The following GRIP1 variants were observed in gnomAD, a reference collection of about 807,000 sequenced individuals.
The protein encoded by GRIP1 is glutamate receptor-interacting protein 1.
In GRIP1, 45 loss-of-function variants were observed where a neutral mutation model predicts 129.9. That is an observed-to-expected ratio of 0.35 (90% CI 0.27 to 0.44). The LOEUF is 0.44. GRIP1 is among the 20% of genes least tolerant of loss of function. The probability of loss-of-function intolerance (pLI) is 1.00; values close to 1 mark genes in which losing one functional copy is unlikely to be tolerated. For synonymous variants in GRIP1, 530 were observed against 520.8 expected (o/e 1.02, Z -0.24); for missense variants, 1,196 against 1,396.8 (o/e 0.86, Z 2.29).
intron 7 of GRIP1, among the ~76,000 whole-genome samples, chr12:66,486,496 G>A (rs2059959039): frequency 6.6e-6 from 1 of 152,096 alleles, no homozygotes; most frequent in Admixed American, 6.5e-5. Context: ...GAATCATGGG[G>A]GCAGTTTCCC....
At chr12:66,539,976 C>T (rs992425875) in intron 3 of GRIP1, among the ~76,000 whole-genome samples, 1 of 152,158 alleles carries the variant, frequency 6.6e-6, no homozygotes, top group African/African-American at 2.4e-5. Context: ...AACATTTTCT[C>T]CCAAAACAGA....
chr12:66,853,704 A>G (rs1321877957), intron 1 of GRIP1, among the ~76,000 whole-genome samples: 2 of 152,106 alleles, frequency 1.3e-5, no homozygotes, highest in Non-Finnish European at 2.9e-5. Context: ...TCAAGTGTGT[A>G]CCAACAATTA....
chr12:67,019,872 G>T (rs2042840289), intron 1 of GRIP1, among the ~76,000 whole-genome samples: 1 of 151,860 alleles, frequency 6.6e-6, no homozygotes, highest in South Asian at 2.1e-4. Context: ...CGAAATAAGA[G>T]AAATCATTAT....
At chr12:66,368,589 TG>T (rs35967466) in intron 23 of GRIP1, among the ~76,000 whole-genome samples, 23,819 of 152,128 alleles carry the variant, frequency 0.16, 2,283 homozygotes, top group Non-Finnish European at 0.22. Flanking sequence ...CACTGTGGCT[TG>T]GGTTATCTTC....
chr12:66,773,987 A>C (rs1323011338), intron 1 of GRIP1, among the ~76,000 whole-genome samples: 1 of 152,154 alleles, frequency 6.6e-6, no homozygotes, highest in Non-Finnish European at 1.5e-5. Flanking sequence ...ATCTCTGCAT[A>C]GTCATGGGTA....
rs537956613 is a variant in GRIP1, at chr12:66,961,986, C to G, written c.58+107064G>C. ...AAAAGTAGCCTAGTAGTGTAGAGAA[C>G]GATGTTTTGAATCAGAAAGGTGATC... is the stretch of plus-strand genomic sequence containing the variant. On this transcript the variant is annotated intron_variant, in intron 1 of 1. Coordinates refer to the GRIP1 transcript ENST00000643019. Among the ~76,000 whole-genome samples, 247 of 152,234 alleles carry G rather than the reference C, an allele frequency of 1.6e-3. 1 individual carries two copies. Among genetic ancestry groups the G allele is most frequent in the African/African-American group, 5.7e-3 (238 of 41,556 alleles).
chr12:66,752,041 C>A (rs1267342281), intron 1 of GRIP1, among the ~76,000 whole-genome samples: 6 of 152,154 alleles, frequency 3.9e-5, no homozygotes, highest in African/African-American at 1.4e-4. Context: ...ACTAGATTAT[C>A]ATTCTCACTG....
At chr12:66,944,535 G>C (rs12581159) in intron 1 of GRIP1, among the ~76,000 whole-genome samples, 11,392 of 151,840 alleles carry the variant, frequency 0.075, 523 homozygotes, top group East Asian at 0.22. Flanking sequence ...GGGGGTGGAG[G>C]GGTGGGGGTG....
chr12:66,649,033 G>T (rs1376608245), intron 1 of GRIP1, among the ~76,000 whole-genome samples: 2 of 152,076 alleles, frequency 1.3e-5, no homozygotes, highest in Admixed American at 6.6e-5. Context: ...CTCACAGGGG[G>T]TTAAGCAAAG....
chr12:66,785,849 A>C (rs1011496267), intron 1 of GRIP1, among the ~76,000 whole-genome samples: 1 of 152,028 alleles, frequency 6.6e-6, no homozygotes, highest in Admixed American at 6.5e-5. Context: ...TGGGAGGCTG[A>C]GGTGGGAGGA....
intron 15 of GRIP1, among the ~76,000 whole-genome samples, chr12:66,409,743 A>C (rs2057318945): frequency 6.6e-6 from 1 of 152,264 alleles, no homozygotes; most frequent in South Asian, 2.1e-4. Flanking sequence ...ATGGCCTTTC[A>C]TACAGAGAAT....
At chr12:66,804,437 T>A (rs12425159), upstream of GRIP1, among the ~76,000 whole-genome samples, 20,396 of 148,850 alleles carry the variant, frequency 0.14, 1,412 homozygotes, top group Admixed American at 0.21. Context: ...GTAATTTTTT[T>A]AAAAAAAAAA....
chr12:66,893,533 A>T (rs10748062), intron 1 of GRIP1, among the ~76,000 whole-genome samples: 148,826 of 152,336 alleles, frequency 0.98, 72,710 homozygotes, highest in East Asian at 1. Flanking sequence ...CCACTGCACA[A>T]GGCTGTTTTT....
intron 2 of GRIP1, among the ~76,000 whole-genome samples, chr12:66,587,507 T>C (rs1446331649): frequency 6.6e-6 from 1 of 152,272 alleles, no homozygotes; most frequent in East Asian, 1.9e-4. Flanking sequence ...ACTGCTAGCC[T>C]GCCAGCTCCA....
At chr12:66,492,115 G>A (rs1293837377) in intron 7 of GRIP1, among the ~76,000 whole-genome samples, 1 of 151,616 alleles carries the variant, frequency 6.6e-6, no homozygotes, top group Non-Finnish European at 1.5e-5. Flanking sequence ...TGGCTCAACA[G>A]CAACATGCAA....
chr12:66,396,578 A>T (rs1024825281), intron 16 of GRIP1, among the ~76,000 whole-genome samples: 1 of 152,146 alleles, frequency 6.6e-6, no homozygotes, highest in Non-Finnish European at 1.5e-5. Flanking sequence ...ATTTGGAGAC[A>T]TTTTTTTATT....
chr12:66,521,814 T>C (rs2061015570), intron 5 of GRIP1, among the ~76,000 whole-genome samples: 1 of 152,176 alleles, frequency 6.6e-6, no homozygotes, highest in Non-Finnish European at 1.5e-5. Flanking sequence ...AATACTGAGC[T>C]TTTCCAACGG....
chr12:66,605,066 C>CATATAT (rs34122251), intron 1 of GRIP1, among the ~76,000 whole-genome samples: 42 of 146,954 alleles, frequency 2.9e-4, no homozygotes, highest in African/African-American at 8.2e-4. Flanking sequence ...TATATATATA[C>CATATAT]ATATATATAT....
intron 1 of GRIP1, among the ~76,000 whole-genome samples, chr12:66,930,055 C>CTCTTT (rs67075541): frequency 1.4e-3 from 182 of 128,746 alleles, no homozygotes; most frequent in Admixed American, 4.1e-3. Context: ...CTCTCTCTCT[C>CTCTTT]TTTTTTTTTT....
Sources: allele counts gnomAD v4.1 joint callset (sites outside exome capture counted in the v4.1 genomes callset), GRCh38; gene constraint gnomAD v4.1.1; transcripts MANE v1.5; gene names NCBI Gene and HGNC (gene_info 2026-07-23, HGNC 2026-07-21).